UTP4: variants seen among roughly 807,000 people sequenced by gnomAD.
UTP4 encodes UTP4 small subunit processome component.
In UTP4, 45 loss-of-function variants were observed where a neutral mutation model predicts 82.4. That is an observed-to-expected ratio of 0.55 (90% CI 0.43 to 0.70). The LOEUF (loss-of-function observed/expected upper bound fraction) is 0.70, where lower values mean the gene tolerates loss of function less well. Among genes scored for constraint, UTP4 ranks in the 30% least tolerant of loss-of-function variants. The pLI is 0.00. For synonymous variants in UTP4, 348 were observed against 300.3 expected (o/e 1.16, Z -1.64); for missense variants, 819 against 858.3 (o/e 0.95, Z 0.57).
At position 69,139,896 on chromosome 16, in the gene UTP4, G is replaced by A. The variant is rs762375499; in HGVS notation, c.508G>A (p.Val170Met). 1 of 1,612,460 alleles carries A rather than the reference G, an allele frequency of 6.2e-7. No individual in the cohort carries two copies. Among genetic ancestry groups the A allele is most frequent in the Non-Finnish European group, 8.5e-7 (1 of 1,178,524 alleles). ...AGCTGGTTCCATAGACTACATTAGT[G>A]TGTTTGATGTCAAATCAGGTGATTG... ...IAAGSIDYIS[V>M]FDVKSGSAVH... Residue 170 changes from valine to methionine, a missense_variant, in exon 5 of 17, where the codon GTG (valine) becomes ATG (methionine). Val to Met is a conservative substitution (Grantham distance 21). Transcript: ENST00000314423.
chr16:69,162,900 AAAAAG>A (rs1425931336), intron 13 of UTP4, among the ~76,000 whole-genome samples, 178 bp from the exon 14 acceptor site: 1 of 151,992 alleles, frequency 6.6e-6, no homozygotes, highest in African/African-American at 2.4e-5. Context: ...CAAAAAAAAA[AAAAAG>A]AGAAGAAAAA....
At chr16:69,166,573 C>T (rs79295066) in intron 15 of UTP4, 2,996 of 154,540 alleles carry the variant, frequency 0.019, 103 homozygotes, top group African/African-American at 0.068. Context: ...CTCGAGGTGT[C>T]AGTGACATCA....
rs889956758 is a variant in UTP4 at position 69,139,997 on chromosome 16, A to G, written c.526+83A>G. 21 of 968,902 alleles carry G rather than the reference A, an allele frequency of 2.2e-5. No homozygotes were observed. The African/African-American group carries it at 2.9e-4, about 13-fold the overall frequency. The allele number at this position is 968,902 out of a possible 1,614,324, so 60.0% of individuals were successfully genotyped here. On this transcript the variant is annotated intron_variant, in intron 5 of 16. Transcript: ENST00000314423. ...GTTTTCAAAAGCTTGAGCCTTTGTCATGGTTTCATGACCTTTATGGCCTAA... is the reference window on the plus strand; with the variant it reads ...GTTTTCAAAAGCTTGAGCCTTTGTCGTGGTTTCATGACCTTTATGGCCTAA...
At chr16:69,136,588 A>G in intron 2 of UTP4, 108 bp from the exon 3 acceptor site, 1 of 1,025,132 alleles carries the variant, frequency 9.8e-7, no homozygotes, top group Non-Finnish European at 1.6e-6. Context: ...ACAAAACCCC[A>G]CACTAGTTAT....
chr16:69,157,120 C>G lies in UTP4; in HGVS notation c.1324C>G (p.Gln442Glu). The part of the protein sequence containing the change: ...KMPAFLRSAL[Q>E]ILFSEDSTKL... The stretch of plus-strand genomic sequence containing the variant: ...GCCAGCATTCCTTCGCTCTGCCCTT[C>G]AGATTTTGTTTTCTGAAGATTCAAC... Residue 442 changes from glutamine to glutamate, a missense_variant, in exon 12 of 17, where the codon CAG (glutamine) becomes GAG (glutamate). Transcript: ENST00000314423. The G allele has an allele frequency of 6.2e-7, 1 of 1,614,216 alleles. No individual in the cohort carries two copies. Among genetic ancestry groups the G allele is most frequent in the Non-Finnish European group, 8.5e-7 (1 of 1,180,038 alleles).
intron 14 of UTP4, among the ~76,000 whole-genome samples, chr16:69,164,239 C>T (rs891477549): frequency 6.6e-6 from 1 of 152,046 alleles, no homozygotes; most frequent in Non-Finnish European, 1.5e-5. Context: ...AAAGTGAAAT[C>T]TCTCAGTTTT....
intron 6 of UTP4, among the ~76,000 whole-genome samples, chr16:69,149,642 C>G (rs1297116042): frequency 1.3e-5 from 2 of 152,150 alleles, no homozygotes; most frequent in Admixed American, 1.3e-4. Flanking sequence ...ATCCTCCTAC[C>G]CAGTCTCCTG....
rs747617840 is a variant in UTP4 at position 69,143,225 on chromosome 16, T to C, written c.574T>C (p.Ser192Pro). The C allele has an allele frequency of 6.2e-7, 1 of 1,614,124 alleles. No individual in the cohort carries two copies. Among genetic ancestry groups the C allele is most frequent in the Non-Finnish European group, 8.5e-7 (1 of 1,180,048 alleles). The change falls in exon 6 of 17, where the codon TCT becomes CCT. Residue 192 changes from serine to proline, a missense_variant. Physicochemically the swap from Ser to Pro is moderately conservative, Grantham distance 74. Coordinates refer to ENST00000314423, the MANE Select transcript of UTP4 (RefSeq NM_032830.3). ...TGTGGACAGGCAGTATATGGGCGTG[T>C]CTAAGCGGAAGTGCATCGTGTGGGG... ...MIVDRQYMGV[S>P]KRKCIVWGVA...
intron 14 of UTP4, among the ~76,000 whole-genome samples, chr16:69,163,708 G>A (rs1240251288): frequency 2.6e-5 from 4 of 151,230 alleles, no homozygotes; most frequent in Non-Finnish European, 4.4e-5. Flanking sequence ...CCTGGGCTGC[G>A]GAATATATTA....
intron 1 of UTP4, chr16:69,132,966 C>T (rs1003978276): frequency 3.6e-5 from 8 of 219,932 alleles, no homozygotes; most frequent in Non-Finnish European, 5.5e-5. Context: ...CTGGTCTCTA[C>T]TCTCGGCCAG....
At chr16:69,158,576 A>T (rs981508349) in intron 12 of UTP4, among the ~76,000 whole-genome samples, 2 of 152,114 alleles carry the variant, frequency 1.3e-5, no homozygotes, top group Non-Finnish European at 2.9e-5. Context: ...TATTATCTAT[A>T]TATGTTTTTA....
Position 69,150,387 on chromosome 16 carries a change from A to T in UTP4, c.739-150A>T. On this transcript the variant is annotated intron_variant, in intron 6 of 16. Coordinates refer to ENST00000314423, the MANE Select transcript of UTP4 (RefSeq NM_032830.3). Reference sequence around the variant, plus strand: ...AGCTTGCTCCTTTGATGGAATCCTTAGCTTCTGGAAGGAAAAGACCCTTGT... The same window carrying T: ...AGCTTGCTCCTTTGATGGAATCCTTTGCTTCTGGAAGGAAAAGACCCTTGT... 3 of 891,422 alleles carry T rather than the reference A, an allele frequency of 3.4e-6. No individual in the cohort carries two copies. In the South Asian group the frequency reaches 4.1e-5, roughly 12 times the overall value. The allele number at this position is 891,422 out of a possible 1,614,324, so 55.2% of individuals were successfully genotyped here. A position where few individuals can be genotyped will look rare whatever the true frequency, so the allele number is the denominator to read the frequency against.
At chr16:69,143,927 G>A (rs961226300) in intron 6 of UTP4, among the ~76,000 whole-genome samples, 7 of 151,336 alleles carry the variant, frequency 4.6e-5, no homozygotes, top group African/African-American at 1.5e-4. Context: ...CATTCTTGTC[G>A]CCCAGGCTGG....
intron 16 of UTP4, among the ~76,000 whole-genome samples, chr16:69,168,442 A>G (rs1280645303): frequency 2.7e-5 from 4 of 150,540 alleles, no homozygotes; most frequent in East Asian, 1.9e-4. Context: ...TCAAAAAAAA[A>G]AAAAAAAAAA....
At chr16:69,161,367 G>T (rs1417183368) in intron 13 of UTP4, among the ~76,000 whole-genome samples, 1 of 152,150 alleles carries the variant, frequency 6.6e-6, no homozygotes, top group African/African-American at 2.4e-5. Context: ...ACACTTAATG[G>T]GTTTACCTGT....
At chr16:69,146,988 C>T (rs1329223075) in intron 6 of UTP4, among the ~76,000 whole-genome samples, 3 of 126,360 alleles carry the variant, frequency 2.4e-5, no homozygotes, top group Admixed American at 8.8e-5. Flanking sequence ...GGCGACAGAG[C>T]GAGACTCTGC....
rs1177764278 is a variant in UTP4, at chr16:69,168,873, G to A, written c.1997G>A (p.Arg666Gln). The change falls in exon 17 of 17, where the codon CGG becomes CAG. Residue 666 changes from arginine to glutamine, a missense_variant. Physicochemically the swap from Arg to Gln is conservative, Grantham distance 43. Transcript: ENST00000314423. ...LDERTLVAVE[R>Q]PLDDIIAQLP... ...GAAAGAACACTCGTGGCAGTAGAAC[G>A]GCCTCTGGATGACATCATTGCTCAG... The A allele has an allele frequency of 3.1e-6, 5 of 1,613,872 alleles. No individual in the cohort carries two copies. Among genetic ancestry groups the A allele is most frequent in the East Asian group, 4.5e-5 (2 of 44,882 alleles).
chr16:69,163,103 T>A lies in UTP4; in HGVS notation c.1572T>A (p.Ala524=). 2 of 1,614,112 alleles carry A rather than the reference T, an allele frequency of 1.2e-6. No homozygotes were observed. The highest frequency in any genetic ancestry group is 1.7e-6 in the Non-Finnish European group (2 of 1,179,956). The change falls in exon 14 of 17, where the codon GCT becomes GCA. Residue 524 remains alanine (A), a synonymous_variant. Coordinates refer to ENST00000314423, the MANE Select transcript of UTP4 (RefSeq NM_032830.3). ...KQLKLHCTVP[A]YNFPVTAMAI... is the part of the protein sequence containing the mutation. ...CCCAGCTTCACTGCACGGTGCCTGC[T>A]TACAATTTCCCAGTGACTGCTATGG...
chr16:69,168,524 G>A (rs1275155685), intron 16 of UTP4, among the ~76,000 whole-genome samples: 1 of 151,590 alleles, frequency 6.6e-6, no homozygotes, highest in African/African-American at 2.4e-5. Flanking sequence ...TCAGGAGACT[G>A]AGGCAGGATG....
Sources: allele counts gnomAD v4.1 joint callset (sites outside exome capture counted in the v4.1 genomes callset), GRCh38; gene constraint gnomAD v4.1.1; transcripts MANE v1.5; gene names NCBI Gene and HGNC (gene_info 2026-07-23, HGNC 2026-07-21).